Variants in RBFOX1 observed in about 807,000 individuals in gnomAD.
RBFOX1 encodes RNA binding protein fox-1 homolog 1.
In RBFOX1, 8 loss-of-function variants were observed where a neutral mutation model predicts 57.7. That is an observed-to-expected ratio of 0.14 (90% CI 0.08 to 0.25). The LOEUF (loss-of-function observed/expected upper bound fraction) is 0.25. Among genes scored for constraint, RBFOX1 ranks in the 10% least tolerant of loss-of-function variants. RBFOX1 has a pLI of 1.00. For synonymous variants in RBFOX1, 326 were observed against 222.4 expected (o/e 1.47, Z -4.15); for missense variants, 611 against 548.5 (o/e 1.11, Z -1.14).
At chr16:7,292,632 T>C (rs998528778) in intron 4 of RBFOX1, among the ~76,000 whole-genome samples, 2 of 151,066 alleles carry the variant, frequency 1.3e-5, no homozygotes, top group African/African-American at 4.9e-5. Flanking sequence ...AAGCACGAAG[T>C]GATGCCAAGC....
At chr16:7,256,248 G>A (rs2094677348) in intron 4 of RBFOX1, among the ~76,000 whole-genome samples, 2 of 152,150 alleles carry the variant, frequency 1.3e-5, no homozygotes, top group African/African-American at 4.8e-5. Flanking sequence ...TGTAACCCCT[G>A]CTCCCAAAAG....
At chr16:6,779,766 TA>T (rs1355068645) in intron 3 of RBFOX1, among the ~76,000 whole-genome samples, 5 of 5,872 alleles carry the variant, frequency 8.5e-4, no homozygotes, top group Non-Finnish European at 1.3e-3. Flanking sequence ...TATATATTTA[TA>T]TATATATTTA....
At chr16:7,505,033 A>G (rs754307764) in intron 4 of RBFOX1, among the ~76,000 whole-genome samples, 7 of 151,152 alleles carry the variant, frequency 4.6e-5, no homozygotes, top group Non-Finnish European at 8.8e-5. Flanking sequence ...ATGCAGGGCA[A>G]CGGTGGATGG....
At chr16:6,977,142 A>G (rs905355045) in intron 3 of RBFOX1, among the ~76,000 whole-genome samples, 1 of 101,496 alleles carries the variant, frequency 9.9e-6, no homozygotes, top group Admixed American at 1.0e-4. Flanking sequence ...GATATATATT[A>G]TATATATCAT....
chr16:5,586,006 C>A (rs1199327402), intron 2 of RBFOX1, among the ~76,000 whole-genome samples: 1 of 152,094 alleles, frequency 6.6e-6, no homozygotes, highest in Non-Finnish European at 1.5e-5. Context: ...TTATCTTCCC[C>A]TAAATCCAAC....
chr16:6,447,813 G>C (rs2094514700), intron 2 of RBFOX1, among the ~76,000 whole-genome samples: 1 of 152,166 alleles, frequency 6.6e-6, no homozygotes, highest in Non-Finnish European at 1.5e-5. Flanking sequence ...TCCCAAAGAA[G>C]AGAACATCCG....
intron 4 of RBFOX1, among the ~76,000 whole-genome samples, chr16:5,909,657 C>T (rs1049109581): frequency 3.3e-5 from 5 of 152,192 alleles, no homozygotes; most frequent in Non-Finnish European, 7.3e-5. Context: ...TACCTGAGGT[C>T]TGTTTGCCTT....
chr16:6,367,028 T>C (rs2089733275), intron 2 of RBFOX1, among the ~76,000 whole-genome samples: 1 of 152,220 alleles, frequency 6.6e-6, no homozygotes, highest in South Asian at 2.1e-4. Flanking sequence ...CCATTGGTGC[T>C]TCACACTATT....
At chr16:6,455,296 C>A (rs541136378) in intron 2 of RBFOX1, among the ~76,000 whole-genome samples, 1 of 152,102 alleles carries the variant, frequency 6.6e-6, no homozygotes, top group South Asian at 2.1e-4. Flanking sequence ...ACAACCTAAC[C>A]ACGATGTATT....
At chr16:7,190,652 A>C (rs1459173444) in intron 4 of RBFOX1, among the ~76,000 whole-genome samples, 1 of 152,196 alleles carries the variant, frequency 6.6e-6, no homozygotes, top group African/African-American at 2.4e-5. Context: ...AACCAGTACC[A>C]CATGAAATCA....
At chr16:5,644,223 A>G (rs2048974253) in intron 3 of RBFOX1, among the ~76,000 whole-genome samples, 6 of 152,214 alleles carry the variant, frequency 3.9e-5, no homozygotes, top group African/African-American at 1.4e-4. Flanking sequence ...CTTTAAAAAA[A>G]GTAAATTGGG....
chr16:7,390,396 G>T (rs1328983182), intron 4 of RBFOX1, among the ~76,000 whole-genome samples: 5 of 152,170 alleles, frequency 3.3e-5, no homozygotes, highest in Non-Finnish European at 5.9e-5. Flanking sequence ...TTAACTATGA[G>T]ATTTCGATAC....
At chr16:7,120,856 C>CATACACACACACACACACAT (rs1230110229) in intron 4 of RBFOX1, among the ~76,000 whole-genome samples, 31 of 149,482 alleles carry the variant, frequency 2.1e-4, no homozygotes, top group African/African-American at 7.6e-4. Flanking sequence ...CACACACACA[C>CATACACACACACACACACAT]ACATACGTAA....
chr16:6,784,508 A>C (rs1398145978), intron 3 of RBFOX1, among the ~76,000 whole-genome samples: 5 of 152,118 alleles, frequency 3.3e-5, no homozygotes, highest in Non-Finnish European at 7.4e-5. Context: ...TAGAATTCCA[A>C]ATTCCTCTTC....
At chr16:7,386,155 A>C (rs1199276379) in intron 4 of RBFOX1, among the ~76,000 whole-genome samples, 1 of 152,042 alleles carries the variant, frequency 6.6e-6, no homozygotes, top group African/African-American at 2.4e-5. Context: ...AGATCCCAAC[A>C]GCCTCAGAGA....
chr16:5,776,559 A>C (rs1310117057), intron 3 of RBFOX1, among the ~76,000 whole-genome samples: 1 of 152,248 alleles, frequency 6.6e-6, no homozygotes, highest in Non-Finnish European at 1.5e-5. Flanking sequence ...TGCACCACGT[A>C]CTGTGCTGAA....
At chr16:6,077,927 G>A (rs2095934088) in intron 1 of RBFOX1, among the ~76,000 whole-genome samples, 1 of 152,100 alleles carries the variant, frequency 6.6e-6, no homozygotes, top group Non-Finnish European at 1.5e-5. Flanking sequence ...CTCCTCTCAT[G>A]CCACCATGAG....
chr16:6,478,429 A>ATATATATATATTTTTTTT (rs1159954387), intron 2 of RBFOX1, among the ~76,000 whole-genome samples: 1 of 24,616 alleles, frequency 4.1e-5, no homozygotes, highest in Non-Finnish European at 7.8e-5. Flanking sequence ...ATATATATAT[A>ATATATATATATTTTTTTT]TTTTTTTTTT....
intron 4 of RBFOX1, among the ~76,000 whole-genome samples, chr16:7,384,595 G>C (rs897979128): frequency 6.6e-6 from 1 of 152,154 alleles, no homozygotes; most frequent in African/African-American, 2.4e-5. Flanking sequence ...GAAATAGGAG[G>C]GAGAGGGGTC....
Sources: gnomAD v4.1 joint callset for allele counts (sites outside exome capture counted in the v4.1 genomes callset) on GRCh38, gnomAD v4.1.1 for gene constraint, MANE v1.5 for transcripts, NCBI Gene and HGNC (gene_info 2026-07-23, HGNC 2026-07-21) for gene names.